TMEM87A: variants seen among roughly 807,000 people sequenced by gnomAD.
TMEM87A encodes the protein Golgi-pH regulating cation channel.
In TMEM87A, 50 loss-of-function variants were observed where a neutral mutation model predicts 90.0. The observed-to-expected ratio is 0.56, with a 90% CI of 0.44 to 0.70. The LOEUF (loss-of-function observed/expected upper bound fraction) is 0.70. Ranked by LOEUF, TMEM87A falls within the 30% of genes least tolerant of loss-of-function variation. The pLI is 0.00. For synonymous variants in TMEM87A, 226 were observed against 226.7 expected (o/e 1.00, Z 0.03); for missense variants, 577 against 660.5 (o/e 0.87, Z 1.39).
intron 8 of TMEM87A, 58 bp from the exon 9 acceptor site, chr15:42,237,673 T>C (rs1229651693): frequency 4.3e-6 from 6 of 1,383,972 alleles, no homozygotes; most frequent in African/African-American, 1.5e-5. Context: ...GCCAAGTCTG[T>C]AGATTTAGAA....
Position 42,211,429 on chromosome 15 carries a change from C to G in TMEM87A, c.*279G>C, listed in dbSNP as rs1028017728. The stretch of plus-strand genomic sequence containing the variant: ...CATTACAGAAAGTTCAGGAACAACA[C>G]ACTTAAGTTGCATGAACATCCATGT... On this transcript the variant is annotated 3_prime_UTR_variant, in exon 20 of 20. Transcript: ENST00000389834. 2.9e-6 allele frequency: 1 copy of G among 343,378 alleles called. No individual in the cohort carries two copies. Among genetic ancestry groups the G allele is most frequent in the African/African-American group, 2.1e-5 (1 of 47,374 alleles). The allele number at this position is 343,378 out of a possible 1,614,324, so 21.3% of individuals were successfully genotyped here. A position where few individuals can be genotyped will look rare whatever the true frequency, so the allele number is the denominator to read the frequency against.
chr15:42,266,515 C>CAAA (rs55840677), intron 3 of TMEM87A, among the ~76,000 whole-genome samples: 2 of 141,652 alleles, frequency 1.4e-5, no homozygotes, highest in African/African-American at 2.6e-5. Flanking sequence ...GACTCCATCT[C>CAAA]AAAAAAAAAA....
At position 42,215,292 on chromosome 15, in the gene TMEM87A, G is replaced by C. The variant is rs1285388271; in HGVS notation, c.1626+2511C>G. On this transcript the variant is annotated intron_variant, in intron 19 of 19. Coordinates refer to ENST00000389834, the MANE Select transcript of TMEM87A (RefSeq NM_015497.5). ...AGGTGGGTGGATCACAAGGTCAGGA[G>C]ACCGAGACCATCCTGGCTAACACGG... Among the ~76,000 whole-genome samples the C allele has an allele frequency of 2.0e-5, 3 of 152,128 alleles. No individual in the cohort carries two copies. In the East Asian group the frequency reaches 5.8e-4, roughly 29 times the overall value.
intron 19 of TMEM87A, among the ~76,000 whole-genome samples, chr15:42,216,301 T>C (rs1466284324): frequency 1.3e-5 from 2 of 152,212 alleles, no homozygotes; most frequent in African/African-American, 4.8e-5. Context: ...TCTAGAGATC[T>C]GCTGTACAAC....
intron 15 of TMEM87A, among the ~76,000 whole-genome samples, chr15:42,222,699 C>T (rs989055456): frequency 1.3e-5 from 2 of 152,040 alleles, no homozygotes; most frequent in African/African-American, 4.8e-5. Flanking sequence ...GCTGGGATGA[C>T]AGGCGCCTGC....
Position 42,228,776 on chromosome 15 carries a change from C to T in TMEM87A, c.1176G>A (p.Arg392=). ...LTQTMKLLKL[R]RNIVKLSLYR... ...ACAAAGAGAGTTTTACAATGTTCCTCCGAAGTTTTAATAGCTTCATTGTTT... is the reference window on the plus strand; with the variant it reads ...ACAAAGAGAGTTTTACAATGTTCCTTCGAAGTTTTAATAGCTTCATTGTTT... The change falls in exon 13 of 20, where the codon CGG becomes CGA. Residue 392 remains arginine, a synonymous_variant. Coordinates refer to ENST00000389834, the MANE Select transcript of TMEM87A (RefSeq NM_015497.5). 6.2e-7 allele frequency: 1 copy of T among 1,607,030 alleles called. No homozygotes were observed. The highest frequency in any genetic ancestry group is 8.5e-7 in the Non-Finnish European group (1 of 1,177,978).
At chr15:42,226,259 C>G (rs1000890697) in intron 15 of TMEM87A, among the ~76,000 whole-genome samples, 5 of 151,872 alleles carry the variant, frequency 3.3e-5, no homozygotes, top group Non-Finnish European at 5.9e-5. Flanking sequence ...CTTGGCCTCC[C>G]AAAGTGCTGG....
At chr15:42,251,680 C>T (rs968461025) in intron 6 of TMEM87A, among the ~76,000 whole-genome samples, 2 of 152,190 alleles carry the variant, frequency 1.3e-5, no homozygotes, top group African/African-American at 4.8e-5. Context: ...GGAGGTGTCT[C>T]CCAGTTAGGC....
chr15:42,218,174 C>A, intron 18 of TMEM87A, 149 bp downstream of exon 18: 1 of 802,160 alleles, frequency 1.2e-6, no homozygotes, highest in South Asian at 1.9e-5. Context: ...TGAATAAACC[C>A]AATTAATTTT....
At chr15:42,255,752 C>A (rs1358392621) in intron 6 of TMEM87A, among the ~76,000 whole-genome samples, 1 of 151,596 alleles carries the variant, frequency 6.6e-6, no homozygotes, top group Non-Finnish European at 1.5e-5. Context: ...GAGGACCTTT[C>A]TTCCATAAAC....
chr15:42,270,729 G>T (rs2051506131), intron 2 of TMEM87A, among the ~76,000 whole-genome samples: 1 of 152,150 alleles, frequency 6.6e-6, no homozygotes, highest in African/African-American at 2.4e-5. Flanking sequence ...GGGTTACTAG[G>T]TTACCCAGTA....
chr15:42,273,132 G>T, intron 1 of TMEM87A, 123 bp downstream of exon 1: 2 of 1,271,058 alleles, frequency 1.6e-6, no homozygotes, highest in Non-Finnish European at 2.2e-6. Flanking sequence ...TAGCCACACA[G>T]ACCATCCCAG....
chr15:42,264,204 C>G lies in TMEM87A; in HGVS notation c.292-1G>C. 1 of 1,605,918 alleles carries G rather than the reference C, an allele frequency of 6.2e-7. No homozygotes were observed. Reference sequence around the variant, plus strand: ...CCAAATACAACTCTACTTCTTCTGCCTGGAAAAAGAGATAATACAGAGTAG... The same window carrying G: ...CCAAATACAACTCTACTTCTTCTGCGTGGAAAAAGAGATAATACAGAGTAG... On this transcript the variant is annotated splice_acceptor_variant, in intron 3 of 19. Transcript: ENST00000389834. LOFTEE classifies it high-confidence loss of function.
intron 12 of TMEM87A, among the ~76,000 whole-genome samples, chr15:42,230,180 G>A (rs967410830): frequency 6.6e-6 from 1 of 152,166 alleles, no homozygotes; most frequent in Non-Finnish European, 1.5e-5. Flanking sequence ...CACTTGCTCT[G>A]CCCTTACAGA....
At chr15:42,236,538 A>C in intron 9 of TMEM87A, 119 bp from the exon 10 acceptor site, 1 of 784,770 alleles carries the variant, frequency 1.3e-6, no homozygotes, top group South Asian at 1.6e-5. Context: ...AGTCCTGCTA[A>C]AATAGAATAC....
Position 42,217,845 on chromosome 15 carries a change from G to A in TMEM87A, c.1596-12C>T, listed in dbSNP as rs749736409. On this transcript the variant is annotated splice_polypyrimidine_tract_variant and intron_variant, in intron 18 of 19. Coordinates refer to ENST00000389834, the MANE Select transcript of TMEM87A (RefSeq NM_015497.5). ...GGGCTGGAAGTGCTCTGCAAAGAGA[G>A]AGAAATACTAAATTGAACAATGTAA... The A allele has an allele frequency of 7.4e-6, 12 of 1,611,512 alleles. No homozygotes were observed. The African/African-American group carries it at 1.2e-4, about 16-fold the overall frequency.
At chr15:42,223,430 T>C (rs2050532917) in intron 15 of TMEM87A, among the ~76,000 whole-genome samples, 1 of 152,182 alleles carries the variant, frequency 6.6e-6, no homozygotes, top group South Asian at 2.1e-4. Context: ...ACATAAGTGA[T>C]TGTTACAGTC....
chr15:42,269,613 C>G (rs894532019), intron 2 of TMEM87A, among the ~76,000 whole-genome samples: 1 of 152,090 alleles, frequency 6.6e-6, no homozygotes, highest in Non-Finnish European at 1.5e-5. Context: ...TGTTACAAGA[C>G]AATATTTAGA....
chr15:42,260,915 C>G (rs748555226), intron 6 of TMEM87A, 43 bp downstream of exon 6: 1 of 1,582,252 alleles, frequency 6.3e-7, no homozygotes, highest in Non-Finnish European at 8.6e-7. Context: ...TTTAAGAAAA[C>G]TAAAATATGT....
Sources: gnomAD v4.1 joint callset for allele counts (sites outside exome capture counted in the v4.1 genomes callset) on GRCh38, gnomAD v4.1.1 for gene constraint, MANE v1.5 for transcripts, NCBI Gene and HGNC (gene_info 2026-07-23, HGNC 2026-07-21) for gene names.